The following NKD2 variants were observed in gnomAD, a reference collection of about 807,000 sequenced individuals.
NKD2 encodes protein naked cuticle homolog 2.
A neutral mutation model predicts 34.8 loss-of-function variants in NKD2; 43 were observed. That is an observed-to-expected ratio of 1.24 (90% confidence interval 0.97 to 1.60). The LOEUF (loss-of-function observed/expected upper bound fraction) is 1.60. Ranked by LOEUF, NKD2 falls within the 40% of genes most tolerant of loss-of-function variation. The pLI is 0.00. For missense variants in NKD2, 675 were observed against 627.1 expected (o/e 1.08, Z -0.82); for synonymous variants, 278 against 265.1 (o/e 1.05, Z -0.47).
chr5:1,035,787 A>C, intron 8 of NKD2: 2 of 427,578 alleles, frequency 4.7e-6, no homozygotes, highest in East Asian at 4.1e-5. Flanking sequence ...TTTGGGGGCA[A>C]CAGGGCTGGG....
chr5:1,020,255 T>C (rs187240415), intron 3 of NKD2, among the ~76,000 whole-genome samples: 1 of 152,308 alleles, frequency 6.6e-6, no homozygotes, highest in East Asian at 1.9e-4. Context: ...ACGCCTCTAT[T>C]ATCTGGGCAG....
intron 3 of NKD2, among the ~76,000 whole-genome samples, chr5:1,017,202 CT>C (rs1316169533): frequency 7.2e-5 from 11 of 152,166 alleles, no homozygotes; most frequent in Admixed American, 2.0e-4. Flanking sequence ...TAGCTTGGCT[CT>C]CTGTGGCTGG....
chr5:1,017,378 C>A (rs761125670), intron 3 of NKD2, among the ~76,000 whole-genome samples: 1 of 152,262 alleles, frequency 6.6e-6, no homozygotes, highest in Non-Finnish European at 1.5e-5. Context: ...AGGGCAGCCA[C>A]TCATGTCTGA....
At position 1,033,474 on chromosome 5, in the gene NKD2, C is replaced by T. The variant is rs111277627; in HGVS notation, c.305C>T (p.Pro102Leu). Residue 102 changes from proline (P) to leucine (L), a missense_variant, in exon 5 of 10, where the codon CCG becomes CTG. Physicochemically the swap from Pro to Leu is moderately conservative, Grantham distance 98. Coordinates refer to ENST00000296849, the MANE Select transcript of NKD2 (RefSeq NM_033120.4). The part of the protein sequence containing the change: ...RAANREGPRG[P>L]GGQRLNIDAL... ...GCAAACCGCGAGGGCCCGCGAGGAC[C>T]GGGCGGGCAGCGCCTCAACATTGAC... The T allele has an allele frequency of 1.7e-5, 26 of 1,552,872 alleles. No homozygotes were observed. The East Asian group carries it at 1.7e-4, about 10-fold the overall frequency.
At chr5:1,037,618 G>A (rs780523162) in intron 9 of NKD2, 187 bp from the exon 10 acceptor site, 3 of 1,535,934 alleles carry the variant, frequency 2.0e-6, no homozygotes, top group Non-Finnish European at 2.6e-6. Context: ...GAGCCAGGCA[G>A]GTCACCCACA....
chr5:1,016,255 G>A (rs139054278), intron 3 of NKD2, among the ~76,000 whole-genome samples: 4 of 152,402 alleles, frequency 2.6e-5, no homozygotes, highest in African/African-American at 9.6e-5. Flanking sequence ...CTCACGGCGA[G>A]CTGCACCCAT....
In NKD2 at chr5:1,010,204, C is replaced by CCTGGA. The variant is rs372867236; in HGVS notation, c.141+644_141+645insCTGGA. 9.9e-3 allele frequency among the ~76,000 whole-genome samples: 1,507 copies of CCTGGA among 152,242 alleles called. 19 individuals carry two copies. The highest frequency in any genetic ancestry group is 0.044 in the East Asian group (225 of 5,156). On this transcript the variant is annotated intron_variant, in intron 3 of 9. Transcript: ENST00000296849. ...CTATGTCCAGGAGCAGAGAACTGTC[C>CCTGGA]AGGTCTGGGGCCCTGGAAGGGCCTG...
rs1003579579 is a variant in NKD2 at position 1,020,464 on chromosome 5, A to G, written c.141+10904A>G. 2.6e-4 allele frequency among the ~76,000 whole-genome samples: 40 copies of G among 152,042 alleles called. 1 individual carries two copies. Among genetic ancestry groups the G allele is most frequent in the African/African-American group, 6.3e-4 (26 of 41,370 alleles). On this transcript the variant is annotated intron_variant, in intron 3 of 9. Transcript: ENST00000296849. ...ACCCTGCTCAGCCTCAGCCACACCTAGCTGACGATGGAGACTCTGGGAGGG... is the reference window on the plus strand; with the variant it reads ...ACCCTGCTCAGCCTCAGCCACACCTGGCTGACGATGGAGACTCTGGGAGGG...
Position 1,019,953 on chromosome 5 carries a change from G to A in NKD2, c.141+10393G>A, listed in dbSNP as rs1756109786. On this transcript the variant is annotated intron_variant, in intron 3 of 9. Coordinates refer to ENST00000296849, the MANE Select transcript of NKD2 (RefSeq NM_033120.4). ...TGGAATTCAGCCTCCTCTGAGTGGGGCGGTTGAGGGTGCAGCAGTTCGGAA... is the reference window on the plus strand; with the variant it reads ...TGGAATTCAGCCTCCTCTGAGTGGGACGGTTGAGGGTGCAGCAGTTCGGAA... 2.0e-5 allele frequency among the ~76,000 whole-genome samples: 3 copies of A among 152,322 alleles called. No homozygotes were observed. In the South Asian group the frequency reaches 6.2e-4, roughly 32 times the overall value.
chr5:1,019,910 G>A (rs1446325914), intron 3 of NKD2, among the ~76,000 whole-genome samples: 1 of 152,192 alleles, frequency 6.6e-6, no homozygotes, highest in Admixed American at 6.5e-5. Flanking sequence ...GTGGATTCGG[G>A]TCTGCTTTCA....
chr5:1,020,313 G>T (rs1425904487), intron 3 of NKD2, among the ~76,000 whole-genome samples: 1 of 152,194 alleles, frequency 6.6e-6, no homozygotes. Flanking sequence ...GTTCACATAT[G>T]TGAGTACACA....
At chr5:1,034,447 C>T (rs1039540836) in intron 6 of NKD2, 117 bp downstream of exon 6, 5 of 859,492 alleles carry the variant, frequency 5.8e-6, no homozygotes, top group South Asian at 5.8e-5. Flanking sequence ...GCGAGGTCCT[C>T]ATGCCAGCTG....
intron 3 of NKD2, among the ~76,000 whole-genome samples, chr5:1,019,573 G>A (rs1464841808): frequency 6.6e-6 from 1 of 152,182 alleles, no homozygotes; most frequent in Non-Finnish European, 1.5e-5. Context: ...TCGCGTGCAG[G>A]GCATGCGACG....
In NKD2 at chr5:1,035,312, TAATGAATGAGTG is replaced by T. The variant is rs535109889; in HGVS notation, c.575-60_575-49del. On this transcript the variant is annotated intron_variant, in intron 7 of 9. Transcript: ENST00000296849. ...TGAATGAATGAATGAGTGAGTGAGTTAATGAATGAGTGAATGAATGAGTGAATGCTGAATGAA... is the reference window on the plus strand; with the variant it reads ...TGAATGAATGAATGAGTGAGTGAGTTAATGAATGAGTGAATGCTGAATGAA... The T allele has an allele frequency of 1.0e-4, 112 of 1,112,904 alleles. No homozygotes were observed. The African/African-American group carries it at 1.7e-3, about 17-fold the overall frequency. 68.9% of individuals were successfully genotyped at this position (1,112,904 alleles called of 1,614,324 possible).
intron 6 of NKD2, 77 bp downstream of exon 6, chr5:1,034,407 C>A: frequency 1.6e-6 from 2 of 1,222,128 alleles, no homozygotes; most frequent in Middle Eastern, 1.9e-4. Context: ...CCTCGCGATA[C>A]CTCAGGGGGC....
chr5:1,037,697 A>G (rs1028583705), intron 9 of NKD2, 108 bp from the exon 10 acceptor site: 19 of 1,540,464 alleles, frequency 1.2e-5, no homozygotes, highest in Non-Finnish European at 1.5e-5. Context: ...GACTGGCCTC[A>G]GGTGGGACCC....
At chr5:1,010,578 C>T (rs867439770) in intron 3 of NKD2, among the ~76,000 whole-genome samples, 30 of 152,174 alleles carry the variant, frequency 2.0e-4, no homozygotes, top group African/African-American at 5.6e-4. Context: ...GACCATCTAA[C>T]GCCTGTGATG....
intron 3 of NKD2, among the ~76,000 whole-genome samples, chr5:1,014,413 A>T (rs1367444219): frequency 6.6e-6 from 1 of 152,214 alleles, no homozygotes; most frequent in Non-Finnish European, 1.5e-5. Context: ...GTGCCGGCCA[A>T]GGCAGTTGTG....
chr5:1,033,952 T>C (rs1756748656), intron 5 of NKD2, among the ~76,000 whole-genome samples: 1 of 152,210 alleles, frequency 6.6e-6, no homozygotes, highest in Admixed American at 6.5e-5. Context: ...CTCTTCTCCT[T>C]CTGGGTGACG....
Sources: allele counts gnomAD v4.1 joint callset (sites outside exome capture counted in the v4.1 genomes callset), GRCh38; gene constraint gnomAD v4.1.1; transcripts MANE v1.5; gene names NCBI Gene and HGNC (gene_info 2026-07-23, HGNC 2026-07-21).